The following FBN2 variants were observed in gnomAD, a reference collection of about 807,000 sequenced individuals.
FBN2 encodes the protein fibrillin 2.
Under a neutral mutation model 355.6 loss-of-function variants are expected in FBN2, and 105 were observed. The ratio of observed to expected loss-of-function variants is 0.30; its 90% CI spans 0.25 to 0.35. The LOEUF (loss-of-function observed/expected upper bound fraction) is 0.35, where lower values mean the gene tolerates loss of function less well. Ranked by LOEUF, FBN2 falls within the 10% of genes least tolerant of loss-of-function variation. FBN2 has a pLI of 1.00. For missense variants in FBN2, 3,280 were observed against 3,758.7 expected (o/e 0.87, Z 3.33); for synonymous variants, 1,350 against 1,301.2 (o/e 1.04, Z -0.81).
chr5:128,289,260 A>G lies in FBN2; in HGVS notation c.6512-8T>C. On this transcript the variant is annotated splice_region_variant and splice_polypyrimidine_tract_variant and intron_variant, in intron 51 of 64. Transcript: ENST00000262464. ...CAAGACACTCATTGACATCTAAAAT[A>G]TAGAACTGCATGTGAATTTCCTCAT... is the stretch of plus-strand genomic sequence containing the variant. 6.2e-7 allele frequency: 1 copy of G among 1,613,776 alleles called. No individual in the cohort carries two copies. Among genetic ancestry groups the G allele is most frequent in the Non-Finnish European group, 8.5e-7 (1 of 1,179,766 alleles).
Position 128,332,953 on chromosome 5 carries a change from C to A in FBN2, c.4181G>T (p.Ser1394Ile). The A allele has an allele frequency of 6.2e-7, 1 of 1,613,976 alleles. No homozygotes were observed. The highest frequency in any genetic ancestry group is 8.5e-7 in the Non-Finnish European group (1 of 1,179,906). Residue 1394 changes from serine (S) to isoleucine (I), a missense_variant, in exon 32 of 65, where the codon AGC (serine) becomes ATC (isoleucine). Around this residue, in one of 6 missense-constraint regions of FBN2, gnomAD observed 2,284 missense variants for 2,749.5 expected, o/e 0.83. Transcript: ENST00000262464. ...GTTTCCAATCCAGCCTTCTCTGCAG[C>A]TACACTTGAAGCTTCCTGGGATATT... ...CLNIPGSFKCSCREGWIGNGI... is the reference protein window; with the variant it reads ...CLNIPGSFKCICREGWIGNGI...
chr5:128,536,636 C>T (rs1230640607), intron 1 of FBN2, 152 bp from the exon 2 acceptor site: 1 of 705,670 alleles, frequency 1.4e-6, no homozygotes, highest in Non-Finnish European at 2.6e-6. Flanking sequence ...GGGAGGCAGA[C>T]GTGGAAGCAA....
At chr5:128,363,089 A>G (rs1433324866) in intron 18 of FBN2, among the ~76,000 whole-genome samples, 1 of 152,092 alleles carries the variant, frequency 6.6e-6, no homozygotes, top group Non-Finnish European at 1.5e-5. Context: ...AGACTACCAT[A>G]GCTTTTCCCA....
chr5:128,351,373 C>T (rs1751359680), intron 20 of FBN2, among the ~76,000 whole-genome samples: 1 of 151,918 alleles, frequency 6.6e-6, no homozygotes, highest in Non-Finnish European at 1.5e-5. Context: ...ATGGTGAAAC[C>T]CCGTCTCTAC....
At chr5:128,376,659 C>A (rs1193320819) in intron 14 of FBN2, 72 bp downstream of exon 14, 1 of 1,558,382 alleles carries the variant, frequency 6.4e-7, no homozygotes, top group East Asian at 2.2e-5. Flanking sequence ...TGAAGTAATT[C>A]TTCCATGGTT....
At chr5:128,266,845 T>C (rs1301806672) in intron 62 of FBN2, among the ~76,000 whole-genome samples, 4 of 151,280 alleles carry the variant, frequency 2.6e-5, no homozygotes, top group Non-Finnish European at 4.4e-5. Flanking sequence ...TTATATTTAT[T>C]TATTTATTTA....
chr5:128,398,993 A>C (rs577668498), intron 8 of FBN2, among the ~76,000 whole-genome samples: 2 of 152,320 alleles, frequency 1.3e-5, no homozygotes, highest in African/African-American at 4.8e-5. Flanking sequence ...TCTTCTGTAA[A>C]TTGCCCAGTC....
chr5:128,383,973 C>G (rs184074887), intron 11 of FBN2, among the ~76,000 whole-genome samples: 68 of 152,152 alleles, frequency 4.5e-4, no homozygotes, highest in African/African-American at 1.6e-3. Context: ...CTTATACAAA[C>G]ACTTGTCCAT....
chr5:128,329,289 T>C lies in FBN2; in HGVS notation c.4346-468A>G, dbSNP rs376646781. On this transcript the variant is annotated intron_variant, in intron 33 of 64. Transcript: ENST00000262464. ...AGACACTATGGGAATGGGGAAAGTT[T>C]CTTTCATGTCATTACAATCTTATAA... Among the ~76,000 whole-genome samples the C allele has an allele frequency of 1.3e-5, 2 of 152,196 alleles. 1 individual carries two copies. Among genetic ancestry groups the C allele is most frequent in the South Asian group, 4.1e-4 (2 of 4,826 alleles).
intron 60 of FBN2, among the ~76,000 whole-genome samples, 195 bp downstream of exon 60, chr5:128,274,372 A>T (rs1765336024): frequency 6.6e-6 from 1 of 152,142 alleles, no homozygotes; most frequent in African/African-American, 2.4e-5. Context: ...GCTTGGACTA[A>T]AAAGGCCTTT....
intron 8 of FBN2, among the ~76,000 whole-genome samples, chr5:128,407,751 C>T (rs890780935): frequency 5.3e-5 from 8 of 152,150 alleles, no homozygotes; most frequent in African/African-American, 1.9e-4. Context: ...TAGCTTACAT[C>T]CTTGACTCTG....
At chr5:128,311,764 C>T in intron 38 of FBN2, 121 bp downstream of exon 38, 1 of 745,636 alleles carries the variant, frequency 1.3e-6, no homozygotes, top group Non-Finnish European at 2.4e-6. Flanking sequence ...TAATTAAAGT[C>T]CATCTGTAAT....
intron 7 of FBN2, among the ~76,000 whole-genome samples, chr5:128,413,838 C>T (rs1175669910): frequency 1.3e-5 from 2 of 152,104 alleles, no homozygotes; most frequent in East Asian, 3.9e-4. Context: ...AAGAACTATA[C>T]ATATTTGGAA....
At chr5:128,418,983 G>T (rs984150130) in intron 7 of FBN2, among the ~76,000 whole-genome samples, 1 of 152,112 alleles carries the variant, frequency 6.6e-6, no homozygotes, top group African/African-American at 2.4e-5. Context: ...TGTAAGCATG[G>T]TGTATATTTG....
intron 20 of FBN2, among the ~76,000 whole-genome samples, chr5:128,351,376 G>A (rs549396942): frequency 4.6e-5 from 7 of 152,078 alleles, no homozygotes; most frequent in African/African-American, 9.6e-5. Flanking sequence ...GTGAAACCCC[G>A]TCTCTACTAA....
intron 55 of FBN2, among the ~76,000 whole-genome samples, chr5:128,285,256 C>T (rs1046375207): frequency 4.2e-4 from 64 of 151,548 alleles, no homozygotes; most frequent in African/African-American, 1.5e-3. Context: ...TTTTTTGTGG[C>T]TTTATTTTTC....
intron 17 of FBN2, chr5:128,365,025 T>G (rs899484159): frequency 4.8e-5 from 13 of 272,636 alleles, no homozygotes; most frequent in African/African-American, 2.9e-4. Flanking sequence ...ATTTATAGGC[T>G]GTTGGCTCCA....
intron 21 of FBN2, 64 bp from the exon 22 acceptor site, chr5:128,350,069 A>T: frequency 7.6e-7 from 1 of 1,318,780 alleles, no homozygotes; most frequent in Non-Finnish European, 1.1e-6. Flanking sequence ...GGTATGCTCA[A>T]GAAGAAGTAT....
intron 4 of FBN2, among the ~76,000 whole-genome samples, chr5:128,526,522 T>C (rs187919757): frequency 2.0e-5 from 3 of 152,286 alleles, no homozygotes; most frequent in East Asian, 3.9e-4. Context: ...AAATGTGGTA[T>C]ATTCATATAA....
Sources: gnomAD v4.1 joint callset for allele counts (sites outside exome capture counted in the v4.1 genomes callset) on GRCh38, gnomAD v4.1.1 for gene constraint, gnomAD v4.1.1 regional missense constraint, MANE v1.5 for transcripts, NCBI Gene and HGNC (gene_info 2026-07-23, HGNC 2026-07-21) for gene names.